PPARGC1A: variants seen among roughly 807,000 people sequenced by gnomAD.
PPARGC1A encodes PPARG coactivator 1 alpha, also known as peroxisome proliferator-activated receptor gamma coactivator 1-alpha.
In PPARGC1A, 25 loss-of-function variants were observed where a neutral mutation model predicts 88.7. The ratio of observed to expected loss-of-function variants is 0.28; its 90% CI spans 0.21 to 0.39. The LOEUF is 0.39. PPARGC1A is among the 10% of genes least tolerant of loss of function. PPARGC1A has a pLI of 1.00. For synonymous variants in PPARGC1A, 363 were observed against 355.6 expected, an observed-to-expected ratio of 1.02 and a Z score of -0.24; for missense variants, 880 against 968.7, an observed-to-expected ratio of 0.91 and a Z score of 1.22.
chr4:24,100,770 C>G, the PPARGC1A span, among the ~76,000 whole-genome samples: 8 of 152,122 alleles, frequency 5.3e-5, no homozygotes, highest in Non-Finnish European at 1.0e-4. Context: ...ATATAATTTA[C>G]AGGTAAGGCC....
the PPARGC1A span, among the ~76,000 whole-genome samples, chr4:24,193,690 G>C: frequency 6.6e-6 from 1 of 152,104 alleles, no homozygotes; most frequent in Admixed American, 6.6e-5. Flanking sequence ...TTTCTTCCTG[G>C]GTTTTAGGAA....
the PPARGC1A span, among the ~76,000 whole-genome samples, chr4:24,424,837 C>G: frequency 6.6e-6 from 1 of 152,198 alleles, no homozygotes; most frequent in South Asian, 2.1e-4. Flanking sequence ...TCAATAAGCA[C>G]TCGAGGCTCT....
the PPARGC1A span, among the ~76,000 whole-genome samples, chr4:23,911,931 A>G: frequency 2.0e-5 from 3 of 152,200 alleles, no homozygotes; most frequent in Non-Finnish European, 4.4e-5. Flanking sequence ...CTGTTTTTAT[A>G]AAGGTGTGAT....
chr4:24,158,820 T>C, the PPARGC1A span, among the ~76,000 whole-genome samples: 1 of 152,240 alleles, frequency 6.6e-6, no homozygotes, highest in Non-Finnish European at 1.5e-5. Flanking sequence ...TTATTTGCCT[T>C]AGATGCTTCA....
chr4:24,293,563 T>C, the PPARGC1A span, among the ~76,000 whole-genome samples: 16 of 4,742 alleles, frequency 3.4e-3, no homozygotes, highest in Admixed American at 5.8e-3. Context: ...CCCTTACCCC[T>C]ACCCCTTCCT....
chr4:24,239,600 C>T, the PPARGC1A span, among the ~76,000 whole-genome samples: 4 of 151,618 alleles, frequency 2.6e-5, no homozygotes, highest in East Asian at 5.8e-4. Flanking sequence ...CAAACTTATG[C>T]AGGAGGTAGA....
the PPARGC1A span, among the ~76,000 whole-genome samples, chr4:24,228,093 C>A: frequency 6.6e-6 from 1 of 152,126 alleles, no homozygotes; most frequent in East Asian, 1.9e-4. Context: ...AGCTGGCATT[C>A]CCTTCAGCAA....
chr4:24,452,282 C>T, the PPARGC1A span, among the ~76,000 whole-genome samples: 7 of 151,516 alleles, frequency 4.6e-5, no homozygotes, highest in Admixed American at 3.3e-4. Flanking sequence ...CACACACACA[C>T]GCACACATGC....
At chr4:23,998,819 A>T in the PPARGC1A span, among the ~76,000 whole-genome samples, 2 of 152,220 alleles carry the variant, frequency 1.3e-5, no homozygotes, top group African/African-American at 4.8e-5. Flanking sequence ...CTCTCATACT[A>T]AATGCCATGG....
At chr4:24,228,204 C>T in the PPARGC1A span, among the ~76,000 whole-genome samples, 181 of 152,286 alleles carry the variant, frequency 1.2e-3, 1 homozygote, top group African/African-American at 4.2e-3. Flanking sequence ...GGGCAAACCT[C>T]ATATCAGCTC....
At chr4:24,183,037 G>A in the PPARGC1A span, among the ~76,000 whole-genome samples, 2 of 152,126 alleles carry the variant, frequency 1.3e-5, no homozygotes, top group Non-Finnish European at 2.9e-5. Context: ...TCGGAGAAGT[G>A]CTGAGAGGAA....
At chr4:24,310,137 T>C in the PPARGC1A span, among the ~76,000 whole-genome samples, 6 of 152,288 alleles carry the variant, frequency 3.9e-5, 1 homozygote, top group African/African-American at 1.4e-4. Context: ...TTAGAAATCA[T>C]GAGTAGGTGC....
chr4:23,900,387 T>C (rs1719192686), upstream of PPARGC1A, among the ~76,000 whole-genome samples: 1 of 152,068 alleles, frequency 6.6e-6, no homozygotes, highest in Non-Finnish European at 1.5e-5. Context: ...TTATTATCTA[T>C]CTGTAGGAAC....
chr4:24,110,202 A>G, the PPARGC1A span, among the ~76,000 whole-genome samples: 1 of 152,274 alleles, frequency 6.6e-6, no homozygotes, highest in Admixed American at 6.5e-5. Context: ...TTCGAGCCCA[A>G]CTTAGCCTTA....
the PPARGC1A span, among the ~76,000 whole-genome samples, chr4:24,286,326 C>A: frequency 1.3e-5 from 2 of 152,274 alleles, no homozygotes; most frequent in South Asian, 4.2e-4. Flanking sequence ...GTTCTTCTCT[C>A]CTGCTAATAG....
At chr4:23,883,813 T>C (rs1716406181) in intron 2 of PPARGC1A, 1 of 152,222 alleles carries the variant, frequency 6.6e-6, no homozygotes, top group Admixed American at 6.5e-5. Context: ...ATTTTAAACT[T>C]GGCTTTCTTA....
the PPARGC1A span, among the ~76,000 whole-genome samples, chr4:24,310,026 G>A: frequency 6.6e-6 from 1 of 152,204 alleles, no homozygotes; most frequent in African/African-American, 2.4e-5. Context: ...TGAACATCCA[G>A]AAGGATGGTA....
the PPARGC1A span, among the ~76,000 whole-genome samples, chr4:24,442,074 G>C: frequency 6.6e-6 from 1 of 152,072 alleles, no homozygotes; most frequent in Non-Finnish European, 1.5e-5. Context: ...TCTTCAAAAA[G>C]TTTAATTAAA....
At chr4:23,958,102 G>A in the PPARGC1A span, among the ~76,000 whole-genome samples, 1,294 of 152,180 alleles carry the variant, frequency 8.5e-3, 5 homozygotes, top group Non-Finnish European at 0.014. Context: ...ATTTTTTGGA[G>A]GAATGAAACT....
Sources: allele counts gnomAD v4.1 joint callset (sites outside exome capture counted in the v4.1 genomes callset), GRCh38; gene constraint gnomAD v4.1.1; transcripts MANE v1.5; gene names NCBI Gene and HGNC (gene_info 2026-07-23, HGNC 2026-07-21).